STAG1: variants seen among roughly 807,000 people sequenced by gnomAD.
STAG1 encodes STAG1 cohesin complex component.
A neutral mutation model predicts 170.9 loss-of-function variants in STAG1; 26 were observed. That is an observed-to-expected ratio of 0.15 (90% confidence interval 0.11 to 0.21). The LOEUF (loss-of-function observed/expected upper bound fraction) is 0.21. STAG1 is among the 10% of genes least tolerant of loss of function. The probability of loss-of-function intolerance (pLI) is 1.00; values close to 1 mark genes in which losing one functional copy is unlikely to be tolerated. For missense variants in STAG1, 964 were observed against 1,509.5 expected (o/e 0.64, Z 5.99); for synonymous variants, 514 against 497.7 (o/e 1.03, Z -0.44).
chr3:136,567,344 T>A (rs1937118310), intron 5 of STAG1, among the ~76,000 whole-genome samples: 1 of 152,180 alleles, frequency 6.6e-6, no homozygotes, highest in African/African-American at 2.4e-5. Flanking sequence ...CTCTTGCCAA[T>A]CCTCACTCAT....
At chr3:136,523,728 G>T (rs571711211) in intron 6 of STAG1, among the ~76,000 whole-genome samples, 1 of 152,238 alleles carries the variant, frequency 6.6e-6, no homozygotes, top group African/African-American at 2.4e-5. Context: ...ATGGTTTTAG[G>T]TCTAACATGT....
At chr3:136,362,629 A>G (rs1417544530) in intron 26 of STAG1, among the ~76,000 whole-genome samples, 1 of 151,108 alleles carries the variant, frequency 6.6e-6, no homozygotes, top group Non-Finnish European at 1.5e-5. Flanking sequence ...AAAAGAAAAA[A>G]AAAGAAAAAA....
chr3:136,426,342 G>T (rs1214114278), intron 16 of STAG1, among the ~76,000 whole-genome samples: 1 of 152,146 alleles, frequency 6.6e-6, no homozygotes, highest in East Asian at 1.9e-4. Context: ...CCCCCAGGGG[G>T]CGGAGCCTGC....
At chr3:136,704,368 G>A (rs764934909) in intron 1 of STAG1, among the ~76,000 whole-genome samples, 29 of 151,682 alleles carry the variant, frequency 1.9e-4, no homozygotes, top group Non-Finnish European at 4.1e-4. Context: ...TTTTAAAGAT[G>A]CAACTATATG....
chr3:136,472,768 A>T (rs1349137629), intron 11 of STAG1, among the ~76,000 whole-genome samples: 2 of 152,220 alleles, frequency 1.3e-5, no homozygotes, highest in Admixed American at 6.5e-5. Context: ...ACAAGCTGTA[A>T]AGAAAATTTT....
At chr3:136,511,644 T>G (rs1483741265) in intron 7 of STAG1, among the ~76,000 whole-genome samples, 1 of 152,082 alleles carries the variant, frequency 6.6e-6, no homozygotes, top group Non-Finnish European at 1.5e-5. Flanking sequence ...TGAGGTCTAA[T>G]GGAGGATGGA....
At chr3:136,446,573 C>T (rs1408121719) in intron 14 of STAG1, among the ~76,000 whole-genome samples, 2 of 152,182 alleles carry the variant, frequency 1.3e-5, no homozygotes, top group South Asian at 2.1e-4. Flanking sequence ...CAGGCACCTG[C>T]CACCATGCCT....
chr3:136,347,011 T>C (rs191912613), intron 29 of STAG1, among the ~76,000 whole-genome samples: 112 of 149,146 alleles, frequency 7.5e-4, no homozygotes, highest in African/African-American at 2.3e-3. Flanking sequence ...GGTGGGAGGA[T>C]TGCTTGAGCC....
intron 6 of STAG1, among the ~76,000 whole-genome samples, chr3:136,533,754 C>A (rs2688600): frequency 0.34 from 51,738 of 151,834 alleles, 11,068 homozygotes; most frequent in East Asian, 0.8. Context: ...TACATTTCAA[C>A]ATGAGATTTA....
intron 1 of STAG1, among the ~76,000 whole-genome samples, chr3:136,746,014 A>T (rs1359381954): frequency 6.6e-6 from 1 of 152,162 alleles, no homozygotes; most frequent in East Asian, 1.9e-4. Context: ...TAAAGAAAAG[A>T]TTCTATAAAA....
chr3:136,715,006 ATATAT>A (rs1943498844), intron 1 of STAG1, among the ~76,000 whole-genome samples: 1 of 118,534 alleles, frequency 8.4e-6, no homozygotes, highest in Non-Finnish European at 1.9e-5. Context: ...TATATATAAT[ATATAT>A]ATAAAATATA....
intron 4 of STAG1, among the ~76,000 whole-genome samples, chr3:136,580,220 G>C (rs2107777518): frequency 6.6e-6 from 1 of 152,012 alleles, no homozygotes; most frequent in South Asian, 2.1e-4. Context: ...GCCTGCCTTG[G>C]CCTCCCAAAG....
intron 4 of STAG1, among the ~76,000 whole-genome samples, chr3:136,598,410 C>T (rs753190728): frequency 4.6e-5 from 7 of 151,816 alleles, no homozygotes; most frequent in Non-Finnish European, 7.4e-5. Flanking sequence ...TATATCTCCT[C>T]TTTAATACAA....
At chr3:136,575,808 T>C (rs562566428) in intron 4 of STAG1, among the ~76,000 whole-genome samples, 2 of 152,326 alleles carry the variant, frequency 1.3e-5, no homozygotes, top group African/African-American at 2.4e-5. Flanking sequence ...GTGCATATCA[T>C]TTCAGCTAAT....
chr3:136,637,337 A>G (rs1348203145), intron 1 of STAG1, among the ~76,000 whole-genome samples: 1 of 152,208 alleles, frequency 6.6e-6, no homozygotes, highest in Non-Finnish European at 1.5e-5. Flanking sequence ...ATTAAGACTC[A>G]AGAAAGAGAG....
rs1241928611 is a variant in STAG1, at chr3:136,347,389, C to A, written c.3271+1769G>T. ...CCAGCCTGGGTGACAGAGGGAGATCCTGTCTCAAAAAAAAAAAAAAAAAAA... is the reference window on the plus strand; with the variant it reads ...CCAGCCTGGGTGACAGAGGGAGATCATGTCTCAAAAAAAAAAAAAAAAAAA... On this transcript the variant is annotated intron_variant, in intron 29 of 33. Coordinates refer to ENST00000383202, the MANE Select transcript of STAG1 (RefSeq NM_005862.3). Among the ~76,000 whole-genome samples, 35 of 102,814 alleles carry A rather than the reference C, an allele frequency of 3.4e-4. 1 individual carries two copies. The highest frequency in any genetic ancestry group is 1.3e-3 in the African/African-American group (34 of 26,786). 67.4% of individuals were successfully genotyped at this position (102,814 alleles called of 152,430 possible).
intron 9 of STAG1, among the ~76,000 whole-genome samples, chr3:136,496,402 C>A (rs769062224): frequency 7.9e-5 from 12 of 152,114 alleles, no homozygotes; most frequent in Non-Finnish European, 1.6e-4. Context: ...TACTGTGGGT[C>A]TCATACAAAT....
chr3:136,356,765 T>C (rs1365342035), intron 28 of STAG1, among the ~76,000 whole-genome samples: 2 of 152,072 alleles, frequency 1.3e-5, no homozygotes, highest in African/African-American at 4.8e-5. Flanking sequence ...ATTTTATTTT[T>C]TTATTGAGAC....
chr3:136,535,520 A>G (rs992171610), intron 6 of STAG1, among the ~76,000 whole-genome samples: 2 of 152,100 alleles, frequency 1.3e-5, no homozygotes, highest in African/African-American at 4.8e-5. Flanking sequence ...AAAATTAGCT[A>G]GGCACAGTGG....
Sources: allele counts gnomAD v4.1 joint callset (sites outside exome capture counted in the v4.1 genomes callset), GRCh38; gene constraint gnomAD v4.1.1; transcripts MANE v1.5; gene names NCBI Gene and HGNC (gene_info 2026-07-23, HGNC 2026-07-21).